The following ADNP variants were observed in gnomAD, a reference collection of about 807,000 sequenced individuals.
ADNP encodes the protein activity dependent neuroprotector homeobox.
A neutral mutation model predicts 84.9 loss-of-function variants in ADNP; 4 were observed. The observed-to-expected ratio is 0.05, with a 90% CI of 0.02 to 0.11. The LOEUF (loss-of-function observed/expected upper bound fraction) is 0.11, where lower values mean the gene tolerates loss of function less well. ADNP is among the 10% of genes least tolerant of loss of function. The pLI, the probability that ADNP is intolerant of heterozygous loss-of-function variation, is 1.00. For synonymous variants in ADNP, 554 were observed against 468.1 expected, an observed-to-expected ratio of 1.18 and a Z score of -2.37; for missense variants, 1,132 against 1,326.0, an observed-to-expected ratio of 0.85 and a Z score of 2.27.
At position 50,931,186 on chromosome 20, in the gene ADNP, A is replaced by G. The variant is rs1346317616; in HGVS notation, c.-625T>C. On this transcript the variant is annotated 5_prime_UTR_variant, in exon 1 of 6. Coordinates refer to ENST00000621696, the MANE Select transcript of ADNP (RefSeq NM_001282531.3). ...ACCGAGAGAGGGAGCTGTGTCTGAG[A>G]AGACGCCAAAATCCCCCTTAGCGCT... 2 of 141,008 alleles carry G rather than the reference A, an allele frequency of 1.4e-5. No individual in the cohort carries two copies. Among genetic ancestry groups the G allele is most frequent in the Non-Finnish European group, 3.1e-5 (2 of 64,440 alleles). The allele number at this position is 141,008 out of a possible 1,614,324, so 8.7% of individuals were successfully genotyped here. A position where few individuals can be genotyped will look rare whatever the true frequency, so the allele number is the denominator to read the frequency against.
At chr20:50,913,327 C>CAAT (rs989053649) in intron 2 of ADNP, among the ~76,000 whole-genome samples, 3 of 99,840 alleles carry the variant, frequency 3.0e-5, no homozygotes, top group African/African-American at 1.1e-4. Context: ...ATTAGGAAGA[C>CAAT]AATCAGGCTA....
At chr20:50,915,612 T>C (rs1161627218) in intron 2 of ADNP, among the ~76,000 whole-genome samples, 1 of 152,100 alleles carries the variant, frequency 6.6e-6, no homozygotes, top group Non-Finnish European at 1.5e-5. Flanking sequence ...TGATGCCTCC[T>C]CCTTTTCCTC....
Position 50,920,262 on chromosome 20 carries a change from CAAAAAAAAAAAAA to C in ADNP, c.-90+8376_-90+8388del, listed in dbSNP as rs56181933. ...GGGCAACAGAGCGAGATTCCACCTC[CAAAAAAAAAAAAA>C]AAAAAAAAAGAAAGAAAGAAAGAAA... is the stretch of plus-strand genomic sequence containing the variant. On this transcript the variant is annotated intron_variant, in intron 2 of 5. Coordinates refer to ENST00000621696, the MANE Select transcript of ADNP (RefSeq NM_001282531.3). 1.2e-4 allele frequency among the ~76,000 whole-genome samples: 8 copies of C among 64,556 alleles called. 1 individual carries two copies. The highest frequency in any genetic ancestry group is 1.3e-3 in the South Asian group (2 of 1,534). 42.4% of individuals were successfully genotyped at this position (64,556 alleles called of 152,430 possible).
intron 2 of ADNP, chr20:50,913,708 A>G (rs927039845): frequency 2.2e-5 from 7 of 317,212 alleles, no homozygotes; most frequent in East Asian, 6.9e-5. Flanking sequence ...GAAAGAAAAC[A>G]TCAATCCTGG....
chr20:50,914,742 C>G (rs1024952015), intron 2 of ADNP, among the ~76,000 whole-genome samples: 17 of 152,314 alleles, frequency 1.1e-4, no homozygotes, highest in African/African-American at 4.1e-4. Flanking sequence ...TAGCAACAGG[C>G]TAGTCGTTCT....
chr20:50,890,797 G>T lies in ADNP; in HGVS notation c.*608C>A. ...TGCAAAAACTAAGTCTGTCCAAAAAGTCCATACTAGCGCAGTTTTGAGCTT... is the reference window on the plus strand; with the variant it reads ...TGCAAAAACTAAGTCTGTCCAAAAATTCCATACTAGCGCAGTTTTGAGCTT... On this transcript the variant is annotated 3_prime_UTR_variant, in exon 6 of 6. Coordinates refer to ENST00000621696, the MANE Select transcript of ADNP (RefSeq NM_001282531.3). 1 of 501,842 alleles carries T rather than the reference G, an allele frequency of 2.0e-6. No homozygotes were observed. The highest frequency in any genetic ancestry group is 2.6e-6 in the Non-Finnish European group (1 of 388,126). The allele number at this position is 501,842 out of a possible 1,614,324, so 31.1% of individuals were successfully genotyped here. A position where few individuals can be genotyped will look rare whatever the true frequency, so the allele number is the denominator to read the frequency against.
At chr20:50,920,279 A>G (rs1020808096) in intron 2 of ADNP, among the ~76,000 whole-genome samples, 2 of 149,062 alleles carry the variant, frequency 1.3e-5, no homozygotes, top group Admixed American at 6.7e-5. Flanking sequence ...AAAAAAAAAA[A>G]AAAAAGAAAG....
At position 50,894,423 on chromosome 20, in the gene ADNP, A is replaced by G. The variant is rs754649251; in HGVS notation, c.291T>C (p.His97=). The G allele has an allele frequency of 9.9e-6, 16 of 1,613,946 alleles. No individual in the cohort carries two copies. The East Asian group carries it at 2.7e-4, about 27-fold the overall frequency. Residue 97 remains histidine (H), a synonymous_variant, in exon 6 of 6, where the codon CAT becomes CAC. Transcript: ENST00000621696. ...GAATCCTATTTTCAAAGTCTTCACT[A>G]TGGACATTGCGGAAATGACTTTTGT... ...SAYKSHFRNV[H]SEDFENRILL... is the part of the protein sequence containing the mutation.
intron 1 of ADNP, among the ~76,000 whole-genome samples, chr20:50,929,418 T>C (rs540522767): frequency 9.2e-5 from 14 of 152,362 alleles, no homozygotes; most frequent in African/African-American, 3.4e-4. Context: ...ACTCACTTAA[T>C]CCTTCGCCAT....
chr20:50,915,510 C>T (rs994191370), intron 2 of ADNP, among the ~76,000 whole-genome samples: 2 of 152,118 alleles, frequency 1.3e-5, no homozygotes, highest in East Asian at 1.9e-4. Context: ...TAAAATACAC[C>T]GCCCTGAACA....
chr20:50,892,443 C>T lies in ADNP; in HGVS notation c.2271G>A (p.Lys757=), dbSNP rs1320687481. Residue 757 remains lysine, a synonymous_variant, in exon 6 of 6, where the codon AAG becomes AAA. Coordinates refer to ENST00000621696, the MANE Select transcript of ADNP (RefSeq NM_001282531.3). ...EEPVVLALDP[K]GHEDDSYEAR... ...CTTCATAGGAATCATCTTCATGACC[C>T]TTGGGGTCTAAAGCTAAAACAACAG... is the stretch of plus-strand genomic sequence containing the variant. 4.3e-6 allele frequency: 7 copies of T among 1,614,010 alleles called. No individual in the cohort carries two copies. The highest frequency in any genetic ancestry group is 5.9e-6 in the Non-Finnish European group (7 of 1,180,038).
At chr20:50,894,917 T>C (rs1981224925) in intron 5 of ADNP, among the ~76,000 whole-genome samples, 1 of 152,112 alleles carries the variant, frequency 6.6e-6, no homozygotes, top group South Asian at 2.1e-4. Context: ...CTGATTTTAG[T>C]ATGTTTTCCC....
In ADNP at chr20:50,904,853, TAAAACAAAAACA is replaced by T. The variant is rs369993086; in HGVS notation, c.-89-16_-89-5del. The T allele has an allele frequency of 4.0e-4, 61 of 152,150 alleles. No individual in the cohort carries two copies. Among genetic ancestry groups the T allele is most frequent in the Admixed American group, 2.6e-3 (40 of 15,274 alleles). 9.4% of individuals were successfully genotyped at this position (152,150 alleles called of 1,614,324 possible). On this transcript the variant is annotated splice_polypyrimidine_tract_variant and splice_region_variant and intron_variant, in intron 2 of 5. Coordinates refer to ENST00000621696, the MANE Select transcript of ADNP (RefSeq NM_001282531.3). ...TCCTGCCTACTGCTACGGTATTCTT[TAAAACAAAAACA>T]AAAACAAAAACAAAAACAAAAAAAC...
chr20:50,906,968 T>C (rs1482932981), intron 2 of ADNP, among the ~76,000 whole-genome samples: 1 of 93,146 alleles, frequency 1.1e-5, no homozygotes, highest in Non-Finnish European at 2.0e-5. Flanking sequence ...TTCCAGTTTT[T>C]TTTTTTTGTT....
At chr20:50,926,298 T>C (rs1295788985) in intron 2 of ADNP, among the ~76,000 whole-genome samples, 1 of 152,250 alleles carries the variant, frequency 6.6e-6, no homozygotes, top group African/African-American at 2.4e-5. Context: ...TTACCTTATG[T>C]AAGACATAAC....
intron 2 of ADNP, among the ~76,000 whole-genome samples, chr20:50,906,083 G>A (rs896629463): frequency 2.6e-5 from 4 of 152,198 alleles, no homozygotes; most frequent in East Asian, 1.9e-4. Flanking sequence ...GTAGTGGCAC[G>A]TGCCTGTAAT....
At chr20:50,922,209 C>T (rs763641762) in intron 2 of ADNP, among the ~76,000 whole-genome samples, 2 of 152,026 alleles carry the variant, frequency 1.3e-5, no homozygotes, top group Non-Finnish European at 2.9e-5. Context: ...TCCCAAGCAG[C>T]GGACACCAGC....
At chr20:50,928,312 T>C (rs1984420705) in intron 2 of ADNP, among the ~76,000 whole-genome samples, 2 of 152,212 alleles carry the variant, frequency 1.3e-5, no homozygotes, top group South Asian at 4.1e-4. Flanking sequence ...GAAAACCATG[T>C]TTTCATCAGA....
At chr20:50,910,989 A>T (rs112343377) in intron 2 of ADNP, among the ~76,000 whole-genome samples, 5 of 152,306 alleles carry the variant, frequency 3.3e-5, no homozygotes, top group African/African-American at 1.2e-4. Context: ...TGTTGAGTGA[A>T]CTAGCCATAC....
Sources: gnomAD v4.1 joint callset for allele counts (sites outside exome capture counted in the v4.1 genomes callset) on GRCh38, gnomAD v4.1.1 for gene constraint, MANE v1.5 for transcripts, NCBI Gene and HGNC (gene_info 2026-07-23, HGNC 2026-07-21) for gene names.